SPOPL: variants seen among roughly 807,000 people sequenced by gnomAD.
SPOPL encodes the protein speckle type BTB/POZ protein like, also known as speckle-type POZ protein-like.
A neutral mutation model predicts 53.8 loss-of-function variants in SPOPL; 23 were observed. The observed-to-expected ratio is 0.43, with a 90% CI of 0.31 to 0.61. The LOEUF is 0.61. SPOPL is among the 20% of genes least tolerant of loss of function. The probability of loss-of-function intolerance (pLI) is 0.12; values close to 1 mark genes in which losing one functional copy is unlikely to be tolerated. For missense variants in SPOPL, 442 were observed against 466.9 expected, an observed-to-expected ratio of 0.95 and a Z score of 0.49; for synonymous variants, 164 against 149.7, an observed-to-expected ratio of 1.10 and a Z score of -0.70.
chr2:138,507,115 A>G (rs1457560280), intron 1 of SPOPL, among the ~76,000 whole-genome samples: 1 of 152,166 alleles, frequency 6.6e-6, no homozygotes, highest in African/African-American at 2.4e-5. Context: ...ACATGAAGAA[A>G]ATTTTATATT....
At chr2:138,557,087 C>T (rs1418138574) in intron 5 of SPOPL, among the ~76,000 whole-genome samples, 2 of 151,838 alleles carry the variant, frequency 1.3e-5, no homozygotes, top group Non-Finnish European at 2.9e-5. Context: ...ATGCAGGAGG[C>T]GGAGCTTGCA....
chr2:138,517,477 A>G (rs1166976602), intron 1 of SPOPL, among the ~76,000 whole-genome samples: 1 of 152,192 alleles, frequency 6.6e-6, no homozygotes, highest in Non-Finnish European at 1.5e-5. Flanking sequence ...GCGGTGACTC[A>G]CGCCTGTAAT....
At chr2:138,514,484 A>G (rs1301150553) in intron 1 of SPOPL, among the ~76,000 whole-genome samples, 1 of 152,184 alleles carries the variant, frequency 6.6e-6, no homozygotes, top group Non-Finnish European at 1.5e-5. Flanking sequence ...CTGGGGTCCC[A>G]AGGGTTTTTT....
At chr2:138,519,293 C>A in intron 1 of SPOPL, among the ~76,000 whole-genome samples, 1 of 152,064 alleles carries the variant, frequency 6.6e-6, no homozygotes, top group Non-Finnish European at 1.5e-5. Flanking sequence ...CTGTCACATT[C>A]TATACTAGGC....
At chr2:138,530,280 CTGTG>C (rs1350429409) in intron 1 of SPOPL, among the ~76,000 whole-genome samples, 1 of 152,040 alleles carries the variant, frequency 6.6e-6, no homozygotes, top group African/African-American at 2.4e-5. Context: ...CATATGTTCA[CTGTG>C]TGTGGACACA....
chr2:138,507,695 A>G (rs1216773390), intron 1 of SPOPL, among the ~76,000 whole-genome samples: 1 of 152,242 alleles, frequency 6.6e-6, no homozygotes, highest in Non-Finnish European at 1.5e-5. Flanking sequence ...TGGCCATGCC[A>G]TTTAAAGGTT....
chr2:138,502,963 C>G (rs1684138509), intron 1 of SPOPL, among the ~76,000 whole-genome samples: 1 of 152,166 alleles, frequency 6.6e-6, no homozygotes, highest in South Asian at 2.1e-4. Flanking sequence ...GTGATTCTTT[C>G]CAGGCTTCTG....
intron 1 of SPOPL, among the ~76,000 whole-genome samples, chr2:138,544,552 C>T (rs1455582844): frequency 6.6e-6 from 1 of 152,188 alleles, no homozygotes; most frequent in Non-Finnish European, 1.5e-5. Context: ...CACATAATTT[C>T]CTGGTGTGCC....
chr2:138,512,641 G>T (rs181273479), intron 1 of SPOPL, among the ~76,000 whole-genome samples: 1 of 151,918 alleles, frequency 6.6e-6, no homozygotes, highest in East Asian at 1.9e-4. Flanking sequence ...TAATATTTTC[G>T]TATACCCTGA....
chr2:138,550,578 A>C lies in SPOPL; in HGVS notation c.174A>C (p.Ser58=). 2 of 1,608,264 alleles carry C rather than the reference A, an allele frequency of 1.2e-6. No individual in the cohort carries two copies. Among genetic ancestry groups the C allele is most frequent in the Non-Finnish European group, 1.7e-6 (2 of 1,176,178 alleles). Residue 58 remains serine (S), a synonymous_variant, in exon 3 of 11, where the codon TCA becomes TCC. Coordinates refer to ENST00000280098, the MANE Select transcript of SPOPL (RefSeq NM_001001664.3). ...AAGTGTTAAAAAGTTCAACATTTTC[A>C]TCTGGCCCAAGTGACAAAATGAAAT... ...MGEVLKSSTF[S]SGPSDKMKWC... is the part of the protein sequence containing the mutation.
rs970546664 is a variant in SPOPL at position 138,539,900 on chromosome 2, T to C, written c.-60-10257T>C. The stretch of plus-strand genomic sequence containing the variant: ...GGTTTTAGGTCTAATAAGTCTTTAA[T>C]CCATCTTGAATTAATTTTTGTATAA... On this transcript the variant is annotated intron_variant, in intron 1 of 10. Coordinates refer to ENST00000280098, the MANE Select transcript of SPOPL (RefSeq NM_001001664.3). Among the ~76,000 whole-genome samples, 41 of 152,358 alleles carry C rather than the reference T, an allele frequency of 2.7e-4. No individual in the cohort carries two copies. The Middle Eastern group carries it at 0.01, about 38-fold the overall frequency.
At chr2:138,533,164 T>C (rs917422115) in intron 1 of SPOPL, among the ~76,000 whole-genome samples, 45 of 152,190 alleles carry the variant, frequency 3.0e-4, no homozygotes, top group African/African-American at 1.1e-3. Flanking sequence ...GCTATAATAA[T>C]TTAATAAACA....
At chr2:138,518,213 C>T (rs1449496016) in intron 1 of SPOPL, among the ~76,000 whole-genome samples, 1 of 150,998 alleles carries the variant, frequency 6.6e-6, no homozygotes. Context: ...CCAAATTGTT[C>T]TGAAACAGAA....
chr2:138,525,656 GAA>G (rs71406327), intron 1 of SPOPL, among the ~76,000 whole-genome samples: 5 of 30,010 alleles, frequency 1.7e-4, no homozygotes, highest in African/African-American at 3.1e-4. Flanking sequence ...ATAAAAAGTA[GAA>G]AAAAAAAAAA....
chr2:138,552,483 A>T, intron 4 of SPOPL, 71 bp from the exon 5 acceptor site: 1 of 1,502,536 alleles, frequency 6.7e-7, no homozygotes, highest in East Asian at 2.3e-5. Context: ...CATTTTATTT[A>T]ACTGTGTTAC....
chr2:138,530,053 A>G (rs915411884), intron 1 of SPOPL, among the ~76,000 whole-genome samples: 3 of 152,112 alleles, frequency 2.0e-5, no homozygotes. Flanking sequence ...GCTGCCACTT[A>G]CAAGTGAGAA....
intron 5 of SPOPL, among the ~76,000 whole-genome samples, chr2:138,558,315 C>A (rs149181476): frequency 6.6e-6 from 1 of 152,048 alleles, no homozygotes; most frequent in Non-Finnish European, 1.5e-5. Flanking sequence ...TGTAATCATA[C>A]CTTTTATTGA....
intron 1 of SPOPL, among the ~76,000 whole-genome samples, chr2:138,526,940 G>A (rs928951806): frequency 1.3e-5 from 2 of 152,086 alleles, no homozygotes; most frequent in African/African-American, 2.4e-5. Flanking sequence ...TGGCCAGGCT[G>A]ATCTCAAACA....
At chr2:138,503,249 C>T (rs1459383271) in intron 1 of SPOPL, among the ~76,000 whole-genome samples, 5 of 152,230 alleles carry the variant, frequency 3.3e-5, no homozygotes, top group African/African-American at 4.8e-5. Context: ...AACCCTTGCT[C>T]TGCCATCTAC....
Sources: gnomAD v4.1 joint callset for allele counts (sites outside exome capture counted in the v4.1 genomes callset) on GRCh38, gnomAD v4.1.1 for gene constraint, MANE v1.5 for transcripts, NCBI Gene and HGNC (gene_info 2026-07-23, HGNC 2026-07-21) for gene names.